Variants in HS3ST5 observed in about 807,000 individuals in gnomAD.
HS3ST5 encodes heparan sulfate glucosamine 3-O-sulfotransferase 5.
Under a neutral mutation model 25.4 loss-of-function variants are expected in HS3ST5, and 10 were observed. The observed-to-expected ratio is 0.39, with a 90% CI of 0.24 to 0.67. HS3ST5 has a LOEUF of 0.67. HS3ST5 is among the 30% of genes least tolerant of loss of function. The pLI is 0.44. For synonymous variants in HS3ST5, 170 were observed against 162.4 expected, an observed-to-expected ratio of 1.05 and a Z score of -0.36; for missense variants, 324 against 420.7, an observed-to-expected ratio of 0.77 and a Z score of 2.01.
At chr6:114,199,271 TG>T (rs1394084026) in intron 2 of HS3ST5, among the ~76,000 whole-genome samples, 4 of 152,180 alleles carry the variant, frequency 2.6e-5, no homozygotes, top group South Asian at 2.1e-4. Flanking sequence ...TAAGTTTTTA[TG>T]GCCGTAAAGG....
rs1051183178 is a variant in HS3ST5, at chr6:114,210,708, T to TC, written c.-145+17876dup. Among the ~76,000 whole-genome samples the TC allele has an allele frequency of 4.0e-4, 61 of 152,228 alleles. 2 individuals are homozygous for TC. Among genetic ancestry groups the TC allele is most frequent in the Admixed American group, 4.0e-3 (61 of 15,284 alleles). ...CCAACTGCATTTAGATATAGCTCGC[T>TC]CAGCATTTGCAATGAGCAGTGATTG... On this transcript the variant is annotated intron_variant, in intron 2 of 4. Coordinates refer to ENST00000312719, the MANE Select transcript of HS3ST5 (RefSeq NM_153612.4).
At position 114,158,034 on chromosome 6, in the gene HS3ST5, A is replaced by T. The variant is rs145213875; in HGVS notation, c.-33+10317T>A. On this transcript the variant is annotated intron_variant, in intron 3 of 4. Transcript: ENST00000312719. ...TGTCAATGGAGCTGTCACTTCTTTC[A>T]GGAAACCTTCCTGAAGTGAAGCAGC... Among the ~76,000 whole-genome samples, 151 of 152,264 alleles carry T rather than the reference A, an allele frequency of 9.9e-4. 2 individuals are homozygous for T. Among genetic ancestry groups the T allele is most frequent in the African/African-American group, 3.4e-3 (142 of 41,542 alleles).
intron 2 of HS3ST5, among the ~76,000 whole-genome samples, chr6:114,223,091 T>A (rs1782117045): frequency 6.6e-6 from 1 of 151,106 alleles, no homozygotes; most frequent in Admixed American, 6.6e-5. Context: ...TCGATTTAAT[T>A]TTTTTTTTGC....
chr6:114,314,721 C>T (rs996855943), intron 1 of HS3ST5, among the ~76,000 whole-genome samples: 11 of 152,108 alleles, frequency 7.2e-5, no homozygotes, highest in African/African-American at 2.7e-4. Context: ...ACTAAAATAA[C>T]TTTAGGAGTA....
intron 1 of HS3ST5, among the ~76,000 whole-genome samples, chr6:114,273,501 T>C (rs192859348): frequency 5.0e-4 from 75 of 151,336 alleles, no homozygotes; most frequent in Non-Finnish European, 8.7e-4. Context: ...ATTAAAGGAG[T>C]GAGAAGAGGA....
chr6:114,132,600 C>T (rs900685714), intron 3 of HS3ST5, among the ~76,000 whole-genome samples: 1 of 152,130 alleles, frequency 6.6e-6, no homozygotes, highest in Non-Finnish European at 1.5e-5. Flanking sequence ...AGCGTTATGG[C>T]CTGAAGTGAT....
intron 1 of HS3ST5, among the ~76,000 whole-genome samples, chr6:114,255,221 A>G (rs773700893): frequency 1.3e-5 from 2 of 152,228 alleles, no homozygotes; most frequent in Non-Finnish European, 2.9e-5. Flanking sequence ...CCAATAGGGC[A>G]GTCAAATCTT....
intron 3 of HS3ST5, among the ~76,000 whole-genome samples, chr6:114,103,521 A>G (rs151273739): frequency 6.2e-4 from 95 of 152,296 alleles, no homozygotes; most frequent in Non-Finnish European, 1.0e-3. Flanking sequence ...TTGACTTCAG[A>G]GAACATAGTC....
intron 3 of HS3ST5, among the ~76,000 whole-genome samples, chr6:114,116,469 C>G (rs1194742487): frequency 1.3e-5 from 2 of 152,088 alleles, no homozygotes; most frequent in African/African-American, 4.8e-5. Context: ...TTGGATTTTA[C>G]TAACAGCCTG....
intron 1 of HS3ST5, among the ~76,000 whole-genome samples, chr6:114,325,729 G>C (rs970908569): frequency 4.6e-5 from 7 of 151,934 alleles, no homozygotes; most frequent in African/African-American, 1.5e-4. Flanking sequence ...CATGATCCTG[G>C]CAAGTTTTGC....
chr6:114,127,580 G>T (rs1216908410), intron 3 of HS3ST5, among the ~76,000 whole-genome samples: 1 of 152,042 alleles, frequency 6.6e-6, no homozygotes, highest in African/African-American at 2.4e-5. Context: ...AGCAGAGTTT[G>T]AGAACTATCA....
At chr6:114,244,154 A>C (rs935522628) in intron 1 of HS3ST5, among the ~76,000 whole-genome samples, 7 of 152,216 alleles carry the variant, frequency 4.6e-5, no homozygotes, top group African/African-American at 7.2e-5. Flanking sequence ...AGGTTTTGCT[A>C]TCTGAATTCC....
At chr6:114,193,556 C>G (rs750396974) in intron 2 of HS3ST5, among the ~76,000 whole-genome samples, 2 of 152,078 alleles carry the variant, frequency 1.3e-5, no homozygotes, top group Non-Finnish European at 2.9e-5. Context: ...TGGCACTGAC[C>G]TTGAACAAAT....
At chr6:114,142,505 A>C (rs531138708) in intron 3 of HS3ST5, among the ~76,000 whole-genome samples, 187 of 152,284 alleles carry the variant, frequency 1.2e-3, no homozygotes, top group Non-Finnish European at 2.3e-3. Context: ...AGTTACTGCG[A>C]GGGTGGGTGA....
intron 2 of HS3ST5, among the ~76,000 whole-genome samples, chr6:114,181,138 A>T (rs1779950549): frequency 6.6e-6 from 1 of 152,186 alleles, no homozygotes; most frequent in South Asian, 2.1e-4. Context: ...GGATTTCTTG[A>T]TCTTTCCAGA....
chr6:114,168,768 T>C (rs1779333867), intron 2 of HS3ST5, among the ~76,000 whole-genome samples: 1 of 152,200 alleles, frequency 6.6e-6, no homozygotes, highest in Non-Finnish European at 1.5e-5. Flanking sequence ...ATAACATTTG[T>C]ATAGCAGAAC....
intron 3 of HS3ST5, among the ~76,000 whole-genome samples, chr6:114,158,871 G>A (rs1463196574): frequency 6.6e-6 from 1 of 152,174 alleles, no homozygotes; most frequent in East Asian, 1.9e-4. Flanking sequence ...CAGCTTTTCT[G>A]CATTCAATGC....
chr6:114,062,932 C>A (rs982212601), intron 3 of HS3ST5, 55 bp from the exon 4 acceptor site: 1 of 949,654 alleles, frequency 1.1e-6, no homozygotes, highest in South Asian at 1.5e-5. Context: ...TTGGTTGTCA[C>A]AGAGCTAAGC....
chr6:114,273,738 T>C (rs1462203832), intron 1 of HS3ST5, among the ~76,000 whole-genome samples: 1 of 151,950 alleles, frequency 6.6e-6, no homozygotes, highest in Non-Finnish European at 1.5e-5. Flanking sequence ...AGAACTGACC[T>C]CTGTATGTGC....
Sources: allele counts gnomAD v4.1 joint callset (sites outside exome capture counted in the v4.1 genomes callset), GRCh38; gene constraint gnomAD v4.1.1; transcripts MANE v1.5; gene names NCBI Gene and HGNC (gene_info 2026-07-23, HGNC 2026-07-21).